BTBD7: variants seen among roughly 807,000 people sequenced by gnomAD.
The protein encoded by BTBD7 is BTB/POZ domain-containing protein 7.
Under a neutral mutation model 99.9 loss-of-function variants are expected in BTBD7, and 38 were observed. The ratio of observed to expected loss-of-function variants is 0.38; its 90% confidence interval spans 0.29 to 0.50. The LOEUF (loss-of-function observed/expected upper bound fraction) is 0.50, where lower values mean the gene tolerates loss of function less well. BTBD7 is among the 20% of genes least tolerant of loss of function. The probability of loss-of-function intolerance (pLI) is 0.93; values close to 1 mark genes in which losing one functional copy is unlikely to be tolerated. For missense variants in BTBD7, 1,170 were observed against 1,394.6 expected, an observed-to-expected ratio of 0.84 and a Z score of 2.57; for synonymous variants, 520 against 511.4, an observed-to-expected ratio of 1.02 and a Z score of -0.23.
At position 93,242,575 on chromosome 14, in the gene BTBD7, G is replaced by A; in HGVS notation, c.3097C>T (p.Pro1033Ser). The A allele has an allele frequency of 6.2e-7, 1 of 1,614,220 alleles. No homozygotes were observed. Among genetic ancestry groups the A allele is most frequent in the Non-Finnish European group, 8.5e-7 (1 of 1,180,050 alleles). ...AAAGGAAAGTCTGACCGCTGGGGAGGTTGCTCAACGACATCCAGGTGTATC... is the reference window on the plus strand; with the variant it reads ...AAAGGAAAGTCTGACCGCTGGGGAGATTGCTCAACGACATCCAGGTGTATC... ...EPIHLDVVEQ[P>S]PQRSDFPLAA... The change falls in exon 11 of 11, where the codon CCT (proline) becomes TCT (serine). Residue 1033 changes from proline to serine, a missense_variant. Around this residue, in one of 4 missense-constraint regions of BTBD7, gnomAD observed 495 missense variants for 525.9 expected, o/e 0.94. Coordinates refer to ENST00000334746, the MANE Select transcript of BTBD7 (RefSeq NM_001002860.4).
chr14:93,268,385 G>C (rs1463102889), intron 3 of BTBD7, among the ~76,000 whole-genome samples: 3 of 152,094 alleles, frequency 2.0e-5, no homozygotes, highest in African/African-American at 7.2e-5. Context: ...TCTTCCACCA[G>C]ACTAAGTTCC....
intron 1 of BTBD7, among the ~76,000 whole-genome samples, chr14:93,331,194 A>G (rs1034597660): frequency 3.9e-5 from 6 of 152,136 alleles, no homozygotes; most frequent in African/African-American, 1.4e-4. Flanking sequence ...TTACACCAAA[A>G]CCCTATGGAT....
intron 1 of BTBD7, among the ~76,000 whole-genome samples, chr14:93,328,132 G>T (rs1402539354): frequency 6.6e-6 from 1 of 152,094 alleles, no homozygotes; most frequent in Non-Finnish European, 1.5e-5. Context: ...ACAAATAAAT[G>T]GAAAGATATT....
chr14:93,332,960 C>T lies in BTBD7; in HGVS notation c.-247G>A, dbSNP rs2053474519. The T allele has an allele frequency of 4.3e-6, 3 of 696,148 alleles. No individual in the cohort carries two copies. The highest frequency in any genetic ancestry group is 6.6e-6 in the Non-Finnish European group (3 of 455,442). 43.1% of individuals were successfully genotyped at this position (696,148 alleles called of 1,614,324 possible). On this transcript the variant is annotated 5_prime_UTR_variant, in exon 1 of 11. Transcript: ENST00000334746. ...CCCACCGCCGCCGCCGCCGCCCTCT[C>T]CTCTCCTGTCAGTGGCTCAGGCTCC...
chr14:93,309,756 C>T (rs898429981), intron 1 of BTBD7, among the ~76,000 whole-genome samples: 1 of 152,152 alleles, frequency 6.6e-6, no homozygotes, highest in Non-Finnish European at 1.5e-5. Context: ...AATATCAAAT[C>T]TCCTAGCATT....
At chr14:93,306,988 T>C (rs930168297) in intron 1 of BTBD7, among the ~76,000 whole-genome samples, 74 of 152,230 alleles carry the variant, frequency 4.9e-4, no homozygotes, top group African/African-American at 1.7e-3. Context: ...GCCAAGAAAA[T>C]AACATTTCAG....
intron 1 of BTBD7, among the ~76,000 whole-genome samples, chr14:93,315,041 T>C (rs2053182595): frequency 6.6e-6 from 1 of 152,192 alleles, no homozygotes; most frequent in Admixed American, 6.5e-5. Context: ...AAATTTTTCA[T>C]ATAGACAACT....
chr14:93,255,477 A>G (rs1472326217), intron 6 of BTBD7: 1 of 152,002 alleles, frequency 6.6e-6, no homozygotes, highest in Non-Finnish European at 1.5e-5. Context: ...ATTTAAGAAT[A>G]CATAAAAATA....
chr14:93,297,792 TAAAAC>T (rs1295162269), intron 1 of BTBD7, among the ~76,000 whole-genome samples: 1 of 152,152 alleles, frequency 6.6e-6, no homozygotes, highest in Non-Finnish European at 1.5e-5. Context: ...GGTTTACATT[TAAAAC>T]AAAAAACAGC....
Position 93,332,861 on chromosome 14 carries a change from C to G in BTBD7, c.-148G>C. ...GCCGCTGCTGCTGCCGCTGGGACCGCTGCCGTCGCCTCCGCCGCCGCCGCC... is the reference window on the plus strand; with the variant it reads ...GCCGCTGCTGCTGCCGCTGGGACCGGTGCCGTCGCCTCCGCCGCCGCCGCC... On this transcript the variant is annotated 5_prime_UTR_variant, in exon 1 of 11. Transcript: ENST00000334746. 6.8e-7 allele frequency: 1 copy of G among 1,475,460 alleles called. No homozygotes were observed. The highest frequency in any genetic ancestry group is 8.9e-7 in the Non-Finnish European group (1 of 1,118,840). The allele number at this position is 1,475,460 out of a possible 1,614,324, so 91.4% of individuals were successfully genotyped here.
rs149936068 is a variant in BTBD7 at position 93,270,051 on chromosome 14, C to T, written c.1163-6058G>A. 2.5e-3 allele frequency among the ~76,000 whole-genome samples: 387 copies of T among 152,314 alleles called. 1 individual carries two copies. The highest frequency in any genetic ancestry group is 4.0e-3 in the Non-Finnish European group (274 of 68,026). On this transcript the variant is annotated intron_variant, in intron 3 of 10. Coordinates refer to ENST00000334746, the MANE Select transcript of BTBD7 (RefSeq NM_001002860.4). Reference sequence around the variant, plus strand: ...TCTCAGATTGTTTCTTACACAGCAACGGTTGACTAATAAACCAGTTAGCTT... The same window carrying T: ...TCTCAGATTGTTTCTTACACAGCAATGGTTGACTAATAAACCAGTTAGCTT...
At position 93,293,963 on chromosome 14, in the gene BTBD7, C is replaced by G. The variant is rs780692464; in HGVS notation, c.1057G>C (p.Glu353Gln). 2.3e-5 allele frequency: 37 copies of G among 1,613,738 alleles called. No homozygotes were observed. The highest frequency in any genetic ancestry group is 1.7e-4 in the Middle Eastern group (1 of 5,864). The change falls in exon 3 of 11, where the codon GAA (glutamate) becomes CAA (glutamine). Residue 353 changes from glutamate (E) to glutamine (Q), a missense_variant. Coordinates refer to ENST00000334746, the MANE Select transcript of BTBD7 (RefSeq NM_001002860.4). ...HCSPSVGSLS[E>Q]VQALVAGKPN... ...TTCCCTGCGACGAGAGCCTGAACTT[C>G]ACTGAGACTCCCCACAGAGGGGCTA... is the stretch of plus-strand genomic sequence containing the variant.
Position 93,242,809 on chromosome 14 carries a change from G to T in BTBD7, c.2863C>A (p.Pro955Thr). Residue 955 changes from proline (P) to threonine (T), a missense_variant, in exon 11 of 11, where the codon CCT (proline) becomes ACT (threonine). Coordinates refer to ENST00000334746, the MANE Select transcript of BTBD7 (RefSeq NM_001002860.4). ...FYDFSNAACRPSTPALSRRTP... is the reference protein window; with the variant it reads ...FYDFSNAACRTSTPALSRRTP... Reference sequence around the variant, plus strand: ...CGTCTGCTGAGAGCAGGAGTAGAAGGTCTGCAAGCAGCATTTGAGAAGTCA... The same window carrying T: ...CGTCTGCTGAGAGCAGGAGTAGAAGTTCTGCAAGCAGCATTTGAGAAGTCA... 4 of 1,614,182 alleles carry T rather than the reference G, an allele frequency of 2.5e-6. No homozygotes were observed. Among genetic ancestry groups the T allele is most frequent in the Non-Finnish European group, 2.5e-6 (3 of 1,180,048 alleles).
chr14:93,320,439 A>T (rs901569794), intron 1 of BTBD7, among the ~76,000 whole-genome samples: 2 of 152,346 alleles, frequency 1.3e-5, no homozygotes, highest in Admixed American at 6.5e-5. Flanking sequence ...CCTGGCCCCA[A>T]ATGTCAAGAG....
chr14:93,324,421 C>CAAAAAAAAAATA (rs71301935), intron 1 of BTBD7, among the ~76,000 whole-genome samples: 250 of 89,950 alleles, frequency 2.8e-3, no homozygotes, highest in African/African-American at 9.5e-3. Flanking sequence ...GACCCTGTCT[C>CAAAAAAAAAATA]AAAAAAAAAA....
At chr14:93,331,310 A>G (rs1352327314) in intron 1 of BTBD7, among the ~76,000 whole-genome samples, 1 of 152,120 alleles carries the variant, frequency 6.6e-6, no homozygotes, top group Non-Finnish European at 1.5e-5. Context: ...GTAGAGGCCT[A>G]CATCTTAGTT....
At chr14:93,312,021 C>A (rs1447322887) in intron 1 of BTBD7, among the ~76,000 whole-genome samples, 1 of 151,748 alleles carries the variant, frequency 6.6e-6, no homozygotes, top group African/African-American at 2.4e-5. Flanking sequence ...CTATTCTAGT[C>A]CCTGCCTGCC....
chr14:93,318,280 A>G (rs1351578951), intron 1 of BTBD7, among the ~76,000 whole-genome samples: 2 of 152,234 alleles, frequency 1.3e-5, no homozygotes, highest in African/African-American at 4.8e-5. Context: ...AAATTACCAT[A>G]AAGATCAGAA....
intron 3 of BTBD7, 128 bp from the exon 4 acceptor site, chr14:93,264,121 T>A: frequency 1.2e-6 from 1 of 801,656 alleles, no homozygotes; most frequent in Non-Finnish European, 1.9e-6. Context: ...TAAAATCTCA[T>A]GAAAATCACC....
Sources: allele counts gnomAD v4.1 joint callset (sites outside exome capture counted in the v4.1 genomes callset), GRCh38; gene constraint gnomAD v4.1.1; regional missense constraint gnomAD v4.1.1; transcripts MANE v1.5; gene names NCBI Gene and HGNC (gene_info 2026-07-23, HGNC 2026-07-21).